Variants in DBF4 observed in about 807,000 individuals in gnomAD.
The protein encoded by DBF4 is protein DBF4 homolog A.
In DBF4, 25 loss-of-function variants were observed where a neutral mutation model predicts 76.6. That is an observed-to-expected ratio of 0.33 (90% confidence interval 0.24 to 0.46). The LOEUF is 0.46. DBF4 is among the 20% of genes least tolerant of loss of function. The pLI, the probability that DBF4 is intolerant of heterozygous loss-of-function variation, is 1.00. For missense variants in DBF4, 638 were observed against 760.8 expected, an observed-to-expected ratio of 0.84 and a Z score of 1.90; for synonymous variants, 213 against 258.0, an observed-to-expected ratio of 0.83 and a Z score of 1.67.
chr7:87,904,544 A>G (rs377439935), intron 11 of DBF4, 128 bp downstream of exon 11: 1 of 1,133,606 alleles, frequency 8.8e-7, no homozygotes, highest in Non-Finnish European at 1.2e-6. Flanking sequence ...GTTCGAGACC[A>G]GCCTAGCCAA....
intron 8 of DBF4, among the ~76,000 whole-genome samples, chr7:87,898,336 G>T (rs1309360131): frequency 1.3e-5 from 2 of 152,136 alleles, no homozygotes; most frequent in African/African-American, 4.8e-5. Flanking sequence ...TGAATTGGAA[G>T]ATATAATATT....
At chr7:87,906,623 A>G (rs557345367) in intron 11 of DBF4, among the ~76,000 whole-genome samples, 1 of 152,202 alleles carries the variant, frequency 6.6e-6, no homozygotes, top group African/African-American at 2.4e-5. Flanking sequence ...TAAAAGTTAC[A>G]ACTTTGTCAC....
chr7:87,904,673 G>C (rs1052302247), intron 11 of DBF4, among the ~76,000 whole-genome samples: 1 of 152,154 alleles, frequency 6.6e-6, no homozygotes, highest in Non-Finnish European at 1.5e-5. Flanking sequence ...AACCCAGGAG[G>C]CAGAGGTTGC....
At chr7:87,882,858 T>G (rs182044532) in intron 2 of DBF4, among the ~76,000 whole-genome samples, 3 of 152,278 alleles carry the variant, frequency 2.0e-5, no homozygotes, top group Non-Finnish European at 1.5e-5. Flanking sequence ...TGAGTGGTAG[T>G]GTAACACGAT....
intron 7 of DBF4, 78 bp downstream of exon 7, chr7:87,896,588 C>T (rs1839645128): frequency 3.2e-6 from 4 of 1,261,694 alleles, no homozygotes; most frequent in Admixed American, 1.9e-5. Context: ...TCATATAAAC[C>T]ACCCTCTAAA....
intron 2 of DBF4, among the ~76,000 whole-genome samples, chr7:87,880,548 C>G (rs1274996745): frequency 6.6e-6 from 1 of 152,212 alleles, no homozygotes; most frequent in Non-Finnish European, 1.5e-5. Flanking sequence ...TTTCTGTCTT[C>G]AGCACATTTA....
intron 1 of DBF4, among the ~76,000 whole-genome samples, chr7:87,877,118 G>A (rs1264951823): frequency 1.3e-5 from 2 of 152,206 alleles, no homozygotes; most frequent in Non-Finnish European, 2.9e-5. Flanking sequence ...CCTCCGCCCG[G>A]GCCCTTGGAG....
intron 5 of DBF4, among the ~76,000 whole-genome samples, chr7:87,887,644 G>A (rs560262468): frequency 6.6e-6 from 1 of 152,318 alleles, no homozygotes; most frequent in East Asian, 1.9e-4. Context: ...TGTTGGTGGA[G>A]ACTCTGCAGA....
chr7:87,904,675 A>G (rs1839872542), intron 11 of DBF4, among the ~76,000 whole-genome samples: 2 of 152,158 alleles, frequency 1.3e-5, no homozygotes, highest in Admixed American at 1.3e-4. Context: ...CCCAGGAGGC[A>G]GAGGTTGCAG....
At chr7:87,904,982 G>A (rs946583586) in intron 11 of DBF4, among the ~76,000 whole-genome samples, 2 of 151,452 alleles carry the variant, frequency 1.3e-5, no homozygotes, top group Admixed American at 6.6e-5. Flanking sequence ...AGACAGTCTC[G>A]CCCTATCACC....
intron 7 of DBF4, among the ~76,000 whole-genome samples, 160 bp downstream of exon 7, chr7:87,896,670 C>T (rs571066841): frequency 5.9e-5 from 9 of 152,006 alleles, no homozygotes; most frequent in Non-Finnish European, 1.0e-4. Flanking sequence ...GCCTGTGGAC[C>T]GCATTTTCAG....
At chr7:87,904,036 C>T (rs1386359263) in intron 10 of DBF4, among the ~76,000 whole-genome samples, 1 of 152,176 alleles carries the variant, frequency 6.6e-6, no homozygotes, top group East Asian at 1.9e-4. Context: ...TTTTCAGTTC[C>T]ATTGTAACTA....
At chr7:87,904,222 AC>A (rs1316087245) in intron 10 of DBF4, 69 bp from the exon 11 acceptor site, 28 of 1,481,002 alleles carry the variant, frequency 1.9e-5, no homozygotes, top group Non-Finnish European at 2.4e-5. Context: ...ATGTTAGAAA[AC>A]CTTAATTAAA....
intron 7 of DBF4, 25 bp downstream of exon 7, chr7:87,896,535 G>C: frequency 6.2e-7 from 1 of 1,604,196 alleles, no homozygotes; most frequent in Admixed American, 1.7e-5. Flanking sequence ...ATCTTTAAGT[G>C]TATTTGGTTT....
intron 1 of DBF4, 114 bp downstream of exon 1, chr7:87,876,892 G>C (rs1030813787): frequency 3.5e-6 from 4 of 1,156,114 alleles, no homozygotes; most frequent in Admixed American, 2.0e-5. Context: ...TCTTCTGACC[G>C]GCCTCTGGGG....
At chr7:87,907,144 G>C (rs936856373) in intron 11 of DBF4, 44 bp from the exon 12 acceptor site, 11 of 1,457,384 alleles carry the variant, frequency 7.5e-6, no homozygotes, top group Non-Finnish European at 9.1e-6. Context: ...AATTTGTTTT[G>C]ATAGCAATTA....
At position 87,901,944 on chromosome 7, in the gene DBF4, T is replaced by C. The variant is rs76135763; in HGVS notation, c.924+1066T>C. Among the ~76,000 whole-genome samples the C allele has an allele frequency of 3.9e-4, 60 of 152,342 alleles. No individual in the cohort carries two copies. The East Asian group carries it at 9.8e-3, about 25-fold the overall frequency. ...GAAGTTTGTTTTATAAACCAAAATA[T>C]ATTAGTGTTTTGTGTCAGTTTTTTT... On this transcript the variant is annotated intron_variant, in intron 10 of 11. Transcript: ENST00000265728.
chr7:87,877,218 T>A (rs1839084743), intron 1 of DBF4, among the ~76,000 whole-genome samples: 2 of 152,232 alleles, frequency 1.3e-5, no homozygotes, highest in Non-Finnish European at 2.9e-5. Flanking sequence ...GGATTTTTGG[T>A]CTTACCCTTG....
rs143196664 is a variant in DBF4 at position 87,907,413 on chromosome 7, G to T, written c.1275G>T (p.Gly425=). The part of the protein sequence containing the change: ...PIPHPSNELR[G]LNEKMSNKCS... ...CCCACCCTTCAAATGAATTGAGAGG[G>T]CTTAATGAGAAAATGAGTAATAAAT... The change falls in exon 12 of 12, where the codon GGG becomes GGT. Residue 425 remains glycine (G), a synonymous_variant. Coordinates refer to ENST00000265728, the MANE Select transcript of DBF4 (RefSeq NM_006716.4). 114 of 1,613,874 alleles carry T rather than the reference G, an allele frequency of 7.1e-5. No individual in the cohort carries two copies. The highest frequency in any genetic ancestry group is 9.0e-5 in the Non-Finnish European group (106 of 1,179,952).
Sources: gnomAD v4.1 joint callset for allele counts (sites outside exome capture counted in the v4.1 genomes callset) on GRCh38, gnomAD v4.1.1 for gene constraint, MANE v1.5 for transcripts, NCBI Gene and HGNC (gene_info 2026-07-23, HGNC 2026-07-21) for gene names.